GALNTL6: variants seen among roughly 807,000 people sequenced by gnomAD.
GALNTL6 encodes the protein polypeptide N-acetylgalactosaminyltransferase-like 6.
A neutral mutation model predicts 73.7 loss-of-function variants in GALNTL6; 46 were observed. The observed-to-expected ratio is 0.62, with a 90% CI of 0.49 to 0.80. GALNTL6 has a LOEUF of 0.80. Among genes scored for constraint, GALNTL6 ranks in the 30% least tolerant of loss-of-function variants. GALNTL6 has a pLI of 0.00. For synonymous variants in GALNTL6, 259 were observed against 263.7 expected, an observed-to-expected ratio of 0.98 and a Z score of 0.17; for missense variants, 604 against 755.0, an observed-to-expected ratio of 0.80 and a Z score of 2.34.
intron 2 of GALNTL6, among the ~76,000 whole-genome samples, chr4:171,834,533 ACATAATGG>A (rs1211782535): frequency 6.6e-6 from 1 of 152,044 alleles, no homozygotes; most frequent in Non-Finnish European, 1.5e-5. Context: ...AGGAAAATAA[ACATAATGG>A]CATGATGTAG....
intron 10 of GALNTL6, among the ~76,000 whole-genome samples, chr4:172,993,944 A>G (rs1366693941): frequency 1.3e-5 from 2 of 152,190 alleles, no homozygotes; most frequent in African/African-American, 4.8e-5. Flanking sequence ...AACAAAAAAA[A>G]TATTGGCTTT....
At chr4:172,153,797 A>G (rs1035248458) in intron 2 of GALNTL6, among the ~76,000 whole-genome samples, 11 of 152,190 alleles carry the variant, frequency 7.2e-5, no homozygotes, top group African/African-American at 2.7e-4. Context: ...ATGCTGACAA[A>G]AAGCTCCTGA....
chr4:172,845,426 G>A (rs1176784857), intron 7 of GALNTL6, among the ~76,000 whole-genome samples: 2 of 152,082 alleles, frequency 1.3e-5, no homozygotes, highest in Non-Finnish European at 2.9e-5. Context: ...AAATGTACTG[G>A]ACTGTGGGTG....
chr4:171,988,003 G>C (rs185388844), intron 2 of GALNTL6, among the ~76,000 whole-genome samples: 3 of 152,126 alleles, frequency 2.0e-5, no homozygotes, highest in Admixed American at 6.6e-5. Context: ...AAGTATATGC[G>C]TCAGGTATGA....
intron 5 of GALNTL6, among the ~76,000 whole-genome samples, chr4:172,784,252 C>T (rs1739530114): frequency 6.6e-6 from 1 of 151,864 alleles, no homozygotes; most frequent in Non-Finnish European, 1.5e-5. Context: ...TAAACAAAAA[C>T]CTGAATCTTA....
chr4:171,882,967 G>T (rs965780618), intron 2 of GALNTL6, among the ~76,000 whole-genome samples: 4 of 152,102 alleles, frequency 2.6e-5, no homozygotes, highest in African/African-American at 7.2e-5. Flanking sequence ...ATCAGCTTTG[G>T]GATCAGTTCT....
At chr4:173,033,765 A>G (rs560630756) in intron 12 of GALNTL6, among the ~76,000 whole-genome samples, 4 of 152,330 alleles carry the variant, frequency 2.6e-5, no homozygotes, top group African/African-American at 7.2e-5. Flanking sequence ...TCATAGCCAT[A>G]TTAGACACAA....
At chr4:172,935,918 G>A (rs188315318) in intron 9 of GALNTL6, among the ~76,000 whole-genome samples, 55 of 152,158 alleles carry the variant, frequency 3.6e-4, no homozygotes, top group African/African-American at 7.2e-5. Context: ...GGAATCCTCC[G>A]TAACTCATTT....
intron 2 of GALNTL6, among the ~76,000 whole-genome samples, chr4:171,972,404 C>A (rs1302109603): frequency 6.6e-6 from 1 of 151,852 alleles, no homozygotes; most frequent in African/African-American, 2.4e-5. Flanking sequence ...ATGTTTATTA[C>A]TTTTGAATAT....
chr4:172,128,882 A>T (rs1733377313), intron 2 of GALNTL6, among the ~76,000 whole-genome samples: 1 of 152,146 alleles, frequency 6.6e-6, no homozygotes, highest in African/African-American at 2.4e-5. Flanking sequence ...AGTAATCTTT[A>T]TGCCCAACAG....
chr4:172,050,103 G>T (rs562060047), intron 2 of GALNTL6, among the ~76,000 whole-genome samples: 1 of 152,220 alleles, frequency 6.6e-6, no homozygotes, highest in South Asian at 2.1e-4. Flanking sequence ...TGGCAGGCTG[G>T]ACTTTAGTAG....
At chr4:171,814,895 A>T in intron 2 of GALNTL6, 177 bp downstream of exon 2, 2 of 617,714 alleles carry the variant, frequency 3.2e-6, no homozygotes, top group Non-Finnish European at 5.7e-6. Flanking sequence ...TTAAGATTGC[A>T]GCCAGTAACA....
In GALNTL6 at chr4:172,510,476, A is replaced by G. The variant is rs1438866565; in HGVS notation, c.553+161787A>G. On this transcript the variant is annotated intron_variant, in intron 5 of 12. Coordinates refer to ENST00000506823, the MANE Select transcript of GALNTL6 (RefSeq NM_001034845.3). ...TGCTGTTCCTAGGGCTTCCAGTACTATGTTGAATAGAAGTAGTGAAAGTGT... is the reference window on the plus strand; with the variant it reads ...TGCTGTTCCTAGGGCTTCCAGTACTGTGTTGAATAGAAGTAGTGAAAGTGT... Among the ~76,000 whole-genome samples, 9 of 54,394 alleles carry G rather than the reference A, an allele frequency of 1.7e-4. 4 individuals are homozygous for G. Among genetic ancestry groups the G allele is most frequent in the Admixed American group, 1.6e-3 (6 of 3,772 alleles). 35.7% of individuals were successfully genotyped at this position (54,394 alleles called of 152,430 possible).
At position 172,157,061 on chromosome 4, in the gene GALNTL6, G is replaced by T. The variant is rs552290616; in HGVS notation, c.139-72595G>T. Reference sequence around the variant, plus strand: ...GGAACAATATTTATAAGATGGGTTTGATTTTTAGTTAGTTATTATAACTTT... The same window carrying T: ...GGAACAATATTTATAAGATGGGTTTTATTTTTAGTTAGTTATTATAACTTT... On this transcript the variant is annotated intron_variant, in intron 2 of 12. Coordinates refer to ENST00000506823, the MANE Select transcript of GALNTL6 (RefSeq NM_001034845.3). Among the ~76,000 whole-genome samples the T allele has an allele frequency of 2.0e-5, 3 of 152,168 alleles. No individual in the cohort carries two copies. The South Asian group carries it at 6.2e-4, about 32-fold the overall frequency.
intron 5 of GALNTL6, among the ~76,000 whole-genome samples, chr4:172,419,442 G>A (rs944817132): frequency 3.3e-5 from 5 of 152,064 alleles, no homozygotes; most frequent in East Asian, 1.9e-4. Flanking sequence ...GGATATTTTC[G>A]ATTTCTTTCT....
chr4:172,553,446 G>A (rs972271904), intron 5 of GALNTL6, among the ~76,000 whole-genome samples: 9 of 152,244 alleles, frequency 5.9e-5, no homozygotes, highest in Middle Eastern at 6.8e-3. Flanking sequence ...GTTCATAAAT[G>A]TCTCTTGGGA....
At chr4:172,264,507 T>TTTATATA (rs1205424287) in intron 3 of GALNTL6, among the ~76,000 whole-genome samples, 2 of 143,316 alleles carry the variant, frequency 1.4e-5, no homozygotes, top group Non-Finnish European at 3.1e-5. Context: ...TATTTATATA[T>TTTATATA]TTATATATTA....
At chr4:172,449,664 C>G (rs1392289498) in intron 5 of GALNTL6, among the ~76,000 whole-genome samples, 1 of 152,206 alleles carries the variant, frequency 6.6e-6, no homozygotes, top group Non-Finnish European at 1.5e-5. Context: ...CTGTACTTCT[C>G]TCCTATCAAA....
At chr4:172,092,950 T>A (rs1294649250) in intron 2 of GALNTL6, among the ~76,000 whole-genome samples, 1 of 150,546 alleles carries the variant, frequency 6.6e-6, no homozygotes, top group Non-Finnish European at 1.5e-5. Context: ...CTCAGCTCAC[T>A]GCAATCTCCA....
Sources: allele counts gnomAD v4.1 joint callset (sites outside exome capture counted in the v4.1 genomes callset), GRCh38; gene constraint gnomAD v4.1.1; transcripts MANE v1.5; gene names NCBI Gene and HGNC (gene_info 2026-07-23, HGNC 2026-07-21).